The following SLC35F4 variants were observed in gnomAD, a reference collection of about 807,000 sequenced individuals.
SLC35F4 encodes the protein chromosome 14 open reading frame 36.
SLC35F4 carries 24 observed loss-of-function variants against 44.2 expected under a neutral mutation model. That is an observed-to-expected ratio of 0.54 (90% CI 0.39 to 0.76). SLC35F4 has a LOEUF of 0.76. Among genes scored for constraint, SLC35F4 ranks in the 30% least tolerant of loss-of-function variants. The pLI, the probability that SLC35F4 is intolerant of heterozygous loss-of-function variation, is 0.00. For missense variants in SLC35F4, 562 were observed against 586.1 expected (o/e 0.96, Z 0.42); for synonymous variants, 238 against 223.6 (o/e 1.06, Z -0.57).
intron 1 of SLC35F4, among the ~76,000 whole-genome samples, chr14:57,834,141 G>A (rs906372277): frequency 6.6e-6 from 1 of 152,132 alleles, no homozygotes; most frequent in African/African-American, 2.4e-5. Flanking sequence ...CTTTCCCAGA[G>A]AACAAGTCAT....
At chr14:57,635,372 C>T (rs74998808) in intron 1 of SLC35F4, among the ~76,000 whole-genome samples, 22,295 of 151,556 alleles carry the variant, frequency 0.15, 1,899 homozygotes, top group East Asian at 0.22. Flanking sequence ...GGAGAGGGGT[C>T]GGAGGGAGAC....
intron 1 of SLC35F4, among the ~76,000 whole-genome samples, chr14:57,741,992 G>T (rs2076621439): frequency 6.6e-6 from 1 of 152,074 alleles, no homozygotes; most frequent in Non-Finnish European, 1.5e-5. Flanking sequence ...AAGTGGAGGA[G>T]AAATAAAATC....
intron 4 of SLC35F4, chr14:57,579,073 C>G (rs571417771): frequency 6.6e-6 from 1 of 152,306 alleles, no homozygotes; most frequent in East Asian, 1.9e-4. Context: ...ATCACATTGC[C>G]GCCACCTCCT....
At position 57,715,720 on chromosome 14, in the gene SLC35F4, T is replaced by C. The variant is rs1455400408; in HGVS notation, c.104-121596A>G. Reference sequence around the variant, plus strand: ...TGGCACTTAGTAGATGTTCAGTAAATGTTGGATGATATTGCAGAGATGGAC... The same window carrying C: ...TGGCACTTAGTAGATGTTCAGTAAACGTTGGATGATATTGCAGAGATGGAC... On this transcript the variant is annotated intron_variant, in intron 1 of 7. Coordinates refer to ENST00000556826, the MANE Select transcript of SLC35F4 (RefSeq NM_001306087.2). 2.6e-5 allele frequency among the ~76,000 whole-genome samples: 4 copies of C among 152,130 alleles called. No individual in the cohort carries two copies. The East Asian group carries it at 7.7e-4, about 29-fold the overall frequency.
At chr14:57,695,623 G>A (rs984095223) in intron 1 of SLC35F4, among the ~76,000 whole-genome samples, 2 of 151,930 alleles carry the variant, frequency 1.3e-5, no homozygotes, top group South Asian at 2.1e-4. Context: ...CGATTCCTCA[G>A]GGATCTAGAA....
intron 1 of SLC35F4, among the ~76,000 whole-genome samples, chr14:57,835,264 A>G (rs780640525): frequency 6.6e-6 from 1 of 152,210 alleles, no homozygotes; most frequent in South Asian, 2.1e-4. Flanking sequence ...ACAGAGTCCA[A>G]GTAGGTCCTA....
chr14:57,866,851 C>T (rs1332299387), upstream of SLC35F4, among the ~76,000 whole-genome samples: 3 of 151,892 alleles, frequency 2.0e-5, no homozygotes, highest in Non-Finnish European at 4.4e-5. Context: ...AACACCCTCC[C>T]CTCAGGTGTG....
chr14:57,927,142 G>A (rs61583526), intron 1 of SLC35F4, among the ~76,000 whole-genome samples: 14,546 of 152,158 alleles, frequency 0.096, 775 homozygotes, highest in Middle Eastern at 0.15. Context: ...TGGGTCAGCC[G>A]TCCCTGTGGA....
intron 1 of SLC35F4, among the ~76,000 whole-genome samples, chr14:57,766,495 C>T (rs1383625660): frequency 6.6e-6 from 1 of 152,170 alleles, no homozygotes; most frequent in Non-Finnish European, 1.5e-5. Context: ...TCAGCCAAGG[C>T]AGGCTAGGCC....
chr14:57,785,225 T>C (rs1407488402), intron 1 of SLC35F4, among the ~76,000 whole-genome samples: 1 of 152,158 alleles, frequency 6.6e-6, no homozygotes, highest in Non-Finnish European at 1.5e-5. Flanking sequence ...CTACATGAAA[T>C]ATCTCTGTCA....
At chr14:57,957,755 T>C (rs1039953654) in intron 1 of SLC35F4, among the ~76,000 whole-genome samples, 6 of 152,208 alleles carry the variant, frequency 3.9e-5, no homozygotes, top group Non-Finnish European at 5.9e-5. Context: ...ATACCAATTC[T>C]GGCACCCATT....
intron 1 of SLC35F4, among the ~76,000 whole-genome samples, chr14:57,861,207 T>C (rs1237487003): frequency 6.6e-6 from 1 of 152,084 alleles, no homozygotes; most frequent in Non-Finnish European, 1.5e-5. Flanking sequence ...CTCACTCTCA[T>C]TTGGTGATCT....
chr14:57,773,273 T>C (rs2077411842), intron 1 of SLC35F4, among the ~76,000 whole-genome samples: 1 of 152,218 alleles, frequency 6.6e-6, no homozygotes, highest in Non-Finnish European at 1.5e-5. Flanking sequence ...ATGCACTGAC[T>C]AGTTTTTGTT....
chr14:57,645,895 C>G (rs1481158743), intron 1 of SLC35F4, among the ~76,000 whole-genome samples: 4 of 151,916 alleles, frequency 2.6e-5, no homozygotes, highest in Admixed American at 2.0e-4. Context: ...TGGTTTTTGT[C>G]TTTGGTTCCG....
chr14:57,728,137 AC>A (rs1372304241), intron 1 of SLC35F4, among the ~76,000 whole-genome samples: 25 of 152,060 alleles, frequency 1.6e-4, no homozygotes, highest in Non-Finnish European at 1.8e-4. Context: ...TTATATCATG[AC>A]CTTTTTTGTC....
Position 57,951,696 on chromosome 14 carries a change from C to T in SLC35F4, n.282+30217G>A, listed in dbSNP as rs116004441. On this transcript the variant is annotated intron_variant and non_coding_transcript_variant, in intron 1 of 1. Coordinates refer to the SLC35F4 transcript ENST00000556568. ...AGTTCAGACTGGGCAGAGCCCACCA[C>T]AGCTCAACAAAGCTGCTATAGCCAA... Among the ~76,000 whole-genome samples the T allele has an allele frequency of 5.8e-3, 881 of 152,346 alleles. 6 individuals are homozygous for T. The highest frequency in any genetic ancestry group is 0.02 in the African/African-American group (843 of 41,570).
intron 1 of SLC35F4, among the ~76,000 whole-genome samples, chr14:57,859,488 A>G (rs956777141): frequency 1.3e-5 from 2 of 152,210 alleles, no homozygotes; most frequent in African/African-American, 4.8e-5. Flanking sequence ...TTAGGCAATT[A>G]GAGGATTGTG....
At chr14:57,746,229 A>G (rs1052836292) in intron 1 of SLC35F4, among the ~76,000 whole-genome samples, 1 of 152,106 alleles carries the variant, frequency 6.6e-6, no homozygotes, top group Non-Finnish European at 1.5e-5. Context: ...AGCTTAAAGT[A>G]TAATTAAAAA....
chr14:57,586,841 G>T (rs572739744), intron 3 of SLC35F4, among the ~76,000 whole-genome samples: 11 of 145,580 alleles, frequency 7.6e-5, no homozygotes, highest in East Asian at 4.2e-4. Flanking sequence ...CACAGCAAAA[G>T]AAACTATCAT....
Sources: allele counts gnomAD v4.1 joint callset (sites outside exome capture counted in the v4.1 genomes callset), GRCh38; gene constraint gnomAD v4.1.1; transcripts MANE v1.5; gene names NCBI Gene and HGNC (gene_info 2026-07-23, HGNC 2026-07-21).